Variants in POU6F1 observed in about 807,000 individuals in gnomAD.
POU6F1 encodes the protein POU class 6 homeobox 1.
In POU6F1, 9 loss-of-function variants were observed where a neutral mutation model predicts 28.9. The ratio of observed to expected loss-of-function variants is 0.31; its 90% confidence interval spans 0.19 to 0.54. The LOEUF (loss-of-function observed/expected upper bound fraction) is 0.54, where lower values mean the gene tolerates loss of function less well. Among genes scored for constraint, POU6F1 ranks in the 20% least tolerant of loss-of-function variants. The pLI is 0.94. For synonymous variants in POU6F1, 173 were observed against 171.1 expected (o/e 1.01, Z -0.09); for missense variants, 338 against 426.1 (o/e 0.79, Z 1.82).
In POU6F1 at chr12:51,190,466, G is replaced by C; in HGVS notation, c.1617C>G (p.Gly539=). 1 of 1,614,106 alleles carries C rather than the reference G, an allele frequency of 6.2e-7. No individual in the cohort carries two copies. The highest frequency in any genetic ancestry group is 8.5e-7 in the Non-Finnish European group (1 of 1,180,016). ...GQQNLMEFVG[G]EPSKKRKRRT... Reference sequence around the variant, plus strand: ...GGCGTTTGCGTTTCTTGGAGGGCTCGCCTCCCACAAACTCCATCAGGTTCT... The same window carrying C: ...GGCGTTTGCGTTTCTTGGAGGGCTCCCCTCCCACAAACTCCATCAGGTTCT... Residue 539 remains glycine (G), a synonymous_variant, in exon 11 of 11, where the codon GGC becomes GGG. Coordinates refer to ENST00000333640, the MANE Select transcript of POU6F1 (RefSeq NM_001330422.2). The surrounding 1 kb of genome is among the most constrained non-coding windows in gnomAD (Gnocchi z 4.5).
chr12:51,202,708 T>G (rs1943313648), intron 3 of POU6F1: 1 of 152,186 alleles, frequency 6.6e-6, no homozygotes, highest in African/African-American at 2.4e-5. Context: ...CAGCACTGTT[T>G]ATGAAAAATG....
chr12:51,215,053 TATC>T (rs1368379754), intron 1 of POU6F1, among the ~76,000 whole-genome samples: 1 of 152,168 alleles, frequency 6.6e-6, no homozygotes, highest in Non-Finnish European at 1.5e-5. Context: ...CATGTCTGCT[TATC>T]ATCATATCCC....
intron 2 of POU6F1, among the ~76,000 whole-genome samples, chr12:51,205,948 A>T (rs1272911700): frequency 6.7e-6 from 1 of 149,328 alleles, no homozygotes; most frequent in African/African-American, 2.5e-5. Flanking sequence ...CCACCCAAGT[A>T]GCTGGGATTA....
At position 51,218,021 on chromosome 12, in the gene POU6F1, C is replaced by T. The variant is rs1014940281; in HGVS notation, c.-427G>A. 2.6e-5 allele frequency among the ~76,000 whole-genome samples: 4 copies of T among 150,992 alleles called. No homozygotes were observed. The highest frequency in any genetic ancestry group is 9.7e-5 in the African/African-American group (4 of 41,216). ...CCCCCTTTTTTCCCTCCTTCTGCTA[C>T]TTGGATTTTTTTAGCTGCTGCGTCA... On this transcript the variant is annotated 5_prime_UTR_variant, in exon 1 of 11. Coordinates refer to ENST00000333640, the MANE Select transcript of POU6F1 (RefSeq NM_001330422.2).
chr12:51,192,580 A>G, intron 8 of POU6F1, 109 bp from the exon 9 acceptor site: 1 of 1,391,172 alleles, frequency 7.2e-7, no homozygotes, highest in Non-Finnish European at 9.8e-7. Context: ...ATCCTCACGC[A>G]TGCAGGACAT....
At chr12:51,200,014 T>C (rs1310490995) in intron 3 of POU6F1, 146 bp from the exon 4 acceptor site, 1 of 397,560 alleles carries the variant, frequency 2.5e-6, no homozygotes, top group Admixed American at 4.4e-5. Context: ...CCAAGACCAA[T>C]TGTTGGTCTT....
At chr12:51,192,641 A>G (rs981412894) in intron 8 of POU6F1, among the ~76,000 whole-genome samples, 170 bp from the exon 9 acceptor site, 1 of 152,214 alleles carries the variant, frequency 6.6e-6, no homozygotes, top group African/African-American at 2.4e-5. Context: ...ATGGTGGCTG[A>G]TGCCTGTAAT....
chr12:51,196,820 G>A lies in POU6F1; in HGVS notation c.954C>T (p.Ile318=), dbSNP rs1942859281. The A allele has an allele frequency of 1.2e-6, 2 of 1,614,020 alleles. No homozygotes were observed. The highest frequency in any genetic ancestry group is 4.5e-5 in the East Asian group (2 of 44,882). ...TTGCCTGTCCCTGAGCATTGGTGAG[G>A]ATCTGACTGCTGATCCCTGGCATGC... is the stretch of plus-strand genomic sequence containing the variant. ...IPSMPGISSQ[I]LTNAQGQVIG... Residue 318 remains isoleucine, a synonymous_variant, in exon 7 of 11, where the codon ATC becomes ATT. Transcript: ENST00000333640.
chr12:51,201,335 ATGACAGGTTTATCTCCTCTG>A (rs1298107224), intron 3 of POU6F1, among the ~76,000 whole-genome samples: 1 of 152,158 alleles, frequency 6.6e-6, no homozygotes, highest in Non-Finnish European at 1.5e-5. Flanking sequence ...AGAAAACAAA[ATGACAGGTTTATCTCCTCTG>A]TGGAGGGAAG....
intron 1 of POU6F1, among the ~76,000 whole-genome samples, chr12:51,214,533 C>T (rs1944188304): frequency 6.6e-6 from 1 of 152,140 alleles, no homozygotes; most frequent in South Asian, 2.1e-4. Context: ...CGCCTGTCCC[C>T]ACACCCTGAA....
At chr12:51,216,201 T>C (rs1944278558) in intron 1 of POU6F1, among the ~76,000 whole-genome samples, 2 of 152,000 alleles carry the variant, frequency 1.3e-5, no homozygotes, top group South Asian at 4.1e-4. Context: ...AAAAAGAAAA[T>C]GTAAAAGATT....
Position 51,207,149 on chromosome 12 carries a change from G to A in POU6F1, c.-47-266C>T, listed in dbSNP as rs184817791. On this transcript the variant is annotated intron_variant, in intron 1 of 10. Transcript: ENST00000333640. ...ACCAATTCTCCTGCCTCAGCCACTCGAGTAGCTGGGATTACAGGCATGTGC... is the reference window on the plus strand; with the variant it reads ...ACCAATTCTCCTGCCTCAGCCACTCAAGTAGCTGGGATTACAGGCATGTGC... The A allele has an allele frequency of 1.2e-3, 233 of 196,622 alleles. 3 individuals are homozygous for A. Among genetic ancestry groups the A allele is most frequent in the African/African-American group, 5.0e-3 (215 of 43,272 alleles). 12.2% of individuals were successfully genotyped at this position (196,622 alleles called of 1,614,324 possible).
chr12:51,217,736 GCC>G lies in POU6F1; in HGVS notation c.-144_-143del, dbSNP rs1944365704. 1 of 151,756 alleles carries G rather than the reference GCC, an allele frequency of 6.6e-6. No homozygotes were observed. The highest frequency in any genetic ancestry group is 2.4e-5 in the African/African-American group (1 of 41,218). 9.4% of individuals were successfully genotyped at this position (151,756 alleles called of 1,614,324 possible). On this transcript the variant is annotated 5_prime_UTR_variant, in exon 1 of 11. Transcript: ENST00000333640. The surrounding 1 kb of genome is among the most constrained non-coding windows in gnomAD (Gnocchi z 5.3). Reference sequence around the variant, plus strand: ...CCCGGGCCAGGGGGCCGGGGCCGGGGCCGGGGCCACGGCGGCCGCCGCCCGCA... The same window carrying G: ...CCCGGGCCAGGGGGCCGGGGCCGGGGGGGGCCACGGCGGCCGCCGCCCGCA...
At chr12:51,196,434 G>C (rs1426123824) in intron 7 of POU6F1, among the ~76,000 whole-genome samples, 3 of 152,176 alleles carry the variant, frequency 2.0e-5, no homozygotes, top group Non-Finnish European at 2.9e-5. Context: ...TTTTAGCTGT[G>C]TAGCTTTCAT....
chr12:51,208,110 C>CA (rs11316062), intron 1 of POU6F1, among the ~76,000 whole-genome samples: 97,281 of 136,392 alleles, frequency 0.71, 35,168 homozygotes, highest in South Asian at 0.77. Flanking sequence ...CTGTCTGTAC[C>CA]AAAAAAAAAA....
In POU6F1 at chr12:51,199,198, G is replaced by A. The variant is rs7398010; in HGVS notation, c.367-423C>T. On this transcript the variant is annotated intron_variant, in intron 4 of 10. Coordinates refer to ENST00000333640, the MANE Select transcript of POU6F1 (RefSeq NM_001330422.2). This position sits in a 1 kb window ranked among gnomAD's most constrained non-coding sequence, Gnocchi z 4.1. ...AATGGAACCAAGTGGTCAAGGCCCC[G>A]CAGAGGCTAATGGAACCAAGTGGTC... 0.016 allele frequency among the ~76,000 whole-genome samples: 9 copies of A among 558 alleles called. No individual in the cohort carries two copies. The highest frequency in any genetic ancestry group is 0.038 in the East Asian group (1 of 26). The allele number at this position is 558 out of a possible 152,430, so 0.4% of individuals were successfully genotyped here. A position where few individuals can be genotyped will look rare whatever the true frequency, so the allele number is the denominator to read the frequency against.
At chr12:51,210,585 G>A (rs1181946568) in intron 1 of POU6F1, among the ~76,000 whole-genome samples, 1 of 152,182 alleles carries the variant, frequency 6.6e-6, no homozygotes, top group Non-Finnish European at 1.5e-5. Flanking sequence ...TCCACTTTGT[G>A]ACTGTGTTAT....
At chr12:51,196,712 T>C in intron 7 of POU6F1, 87 bp downstream of exon 7, 1 of 1,501,248 alleles carries the variant, frequency 6.7e-7, no homozygotes, top group Non-Finnish European at 9.2e-7. Flanking sequence ...TTCGAGTTTC[T>C]ATGACCCACA....
chr12:51,208,282 A>G (rs1188063302), intron 1 of POU6F1, among the ~76,000 whole-genome samples: 1 of 152,172 alleles, frequency 6.6e-6, no homozygotes, highest in African/African-American at 2.4e-5. Flanking sequence ...CCTGGGTTAC[A>G]GAACCAGACC....
Sources: allele counts gnomAD v4.1 joint callset (sites outside exome capture counted in the v4.1 genomes callset), GRCh38; gene constraint gnomAD v4.1.1; non-coding constraint Gnocchi (gnomAD v3.1); transcripts MANE v1.5; gene names NCBI Gene and HGNC (gene_info 2026-07-23, HGNC 2026-07-21).